IQSEC3: variants seen among roughly 807,000 people sequenced by gnomAD.
IQSEC3 encodes the protein IQ motif and Sec7 domain ArfGEF 3.
In IQSEC3, 50 loss-of-function variants were observed where a neutral mutation model predicts 105.4. The ratio of observed to expected loss-of-function variants is 0.47; its 90% confidence interval spans 0.38 to 0.60. The LOEUF (loss-of-function observed/expected upper bound fraction) is 0.60. Ranked by LOEUF, IQSEC3 falls within the 20% of genes least tolerant of loss-of-function variation. The pLI, the probability that IQSEC3 is intolerant of heterozygous loss-of-function variation, is 0.00. For missense variants in IQSEC3, 1,415 were observed against 1,630.0 expected, an observed-to-expected ratio of 0.87 and a Z score of 2.27; for synonymous variants, 708 against 746.0, an observed-to-expected ratio of 0.95 and a Z score of 0.83.
chr12:75,141 A>G (rs1431753590), intron 1 of IQSEC3, among the ~76,000 whole-genome samples: 2 of 152,266 alleles, frequency 1.3e-5, no homozygotes, highest in Non-Finnish European at 1.5e-5. Context: ...AAATCAACAC[A>G]TTTATTCTTA....
intron 1 of IQSEC3, among the ~76,000 whole-genome samples, chr12:93,178 T>C (rs1555073925): frequency 3.3e-5 from 5 of 152,226 alleles, no homozygotes. Context: ...ACACAGGGAT[T>C]GTGATCCACT....
At chr12:107,632 G>C (rs559125364) in intron 2 of IQSEC3, among the ~76,000 whole-genome samples, 175 of 151,858 alleles carry the variant, frequency 1.2e-3, no homozygotes, top group African/African-American at 3.7e-3. Flanking sequence ...GGATGGTCTC[G>C]ATCTCCTGAC....
chr12:89,736 G>A (rs1464591710), intron 1 of IQSEC3, among the ~76,000 whole-genome samples: 4 of 152,192 alleles, frequency 2.6e-5, no homozygotes, highest in South Asian at 4.2e-4. Context: ...TTAATACAAC[G>A]TTTATGAAAT....
Position 139,094 on chromosome 12 carries a change from G to C in IQSEC3, c.1731G>C (p.Glu577Asp). 1 of 1,500,060 alleles carries C rather than the reference G, an allele frequency of 6.7e-7. No homozygotes were observed. Among genetic ancestry groups the C allele is most frequent in the Non-Finnish European group, 8.9e-7 (1 of 1,123,446 alleles). 92.9% of individuals were successfully genotyped at this position (1,500,060 alleles called of 1,614,324 possible). The part of the protein sequence containing the change: ...TAPKTEEEEE[E>D]EETAEVGRGA... ...CCAAAACAGAGGAGGAAGAGGAGGA[G>C]GAGGAGACGGCGGAGGTGGGGAGAG... The change falls in exon 4 of 14, where the codon GAG (glutamate) becomes GAC (aspartate). Residue 577 changes from glutamate (E) to aspartate (D), a missense_variant. By Grantham distance (45) the Glu-to-Asp change is conservative. This residue lies in a region of IQSEC3 where 720 missense variants were observed against 633.0 expected (regional missense o/e 1.14). Coordinates refer to ENST00000538872, the MANE Select transcript of IQSEC3 (RefSeq NM_001170738.2).
intron 1 of IQSEC3, among the ~76,000 whole-genome samples, chr12:68,671 G>T (rs1454959601): frequency 1.3e-5 from 2 of 152,280 alleles, no homozygotes; most frequent in Non-Finnish European, 2.9e-5. Flanking sequence ...AAGGGAATGG[G>T]GAGGGGGAAG....
rs942075393 is a variant in IQSEC3 at position 87,063 on chromosome 12, G to A, written c.555-12083G>A. ...AGGCAAATAACCAACAACATGCTGT[G>A]AGAGCTACCTCAAAACTCAAAATAA... On this transcript the variant is annotated intron_variant, in intron 1 of 13. Coordinates refer to ENST00000538872, the MANE Select transcript of IQSEC3 (RefSeq NM_001170738.2). Among the ~76,000 whole-genome samples, 9 of 152,096 alleles carry A rather than the reference G, an allele frequency of 5.9e-5. No individual in the cohort carries two copies. The South Asian group carries it at 1.9e-3, about 32-fold the overall frequency.
At position 165,496 on chromosome 12, in the gene IQSEC3, C is replaced by T; in HGVS notation, c.2772C>T (p.Gly924=). 1 of 1,613,772 alleles carries T rather than the reference C, an allele frequency of 6.2e-7. No individual in the cohort carries two copies. Among genetic ancestry groups the T allele is most frequent in the Non-Finnish European group, 8.5e-7 (1 of 1,179,828 alleles). Reference sequence around the variant, plus strand: ...CGTACACCTTTTGCAAGTCAGTTGGCCTGCTGGGCATGCAGTTCCAGCTCT... The same window carrying T: ...CGTACACCTTTTGCAAGTCAGTTGGTCTGCTGGGCATGCAGTTCCAGCTCT... ...SSTYTFCKSV[G]LLGMQFQLFE... The change falls in exon 10 of 14, where the codon GGC becomes GGT. Residue 924 remains glycine (G), a synonymous_variant. Coordinates refer to ENST00000538872, the MANE Select transcript of IQSEC3 (RefSeq NM_001170738.2).
At chr12:164,356 T>A (rs1555097516) in intron 9 of IQSEC3, among the ~76,000 whole-genome samples, 1 of 150,928 alleles carries the variant, frequency 6.6e-6, no homozygotes, top group Non-Finnish European at 1.5e-5. Flanking sequence ...CCCACCCCCC[T>A]GAGAGCAGCA....
chr12:157,055 C>G lies in IQSEC3; in HGVS notation c.2184C>G (p.Ser728Arg), dbSNP rs782783310. Residue 728 changes from serine (S) to arginine (R), a missense_variant, in exon 6 of 14, where the codon AGC (serine) becomes AGG (arginine). Ser to Arg is a moderately radical substitution (Grantham distance 110). This residue lies in a region of IQSEC3 where 213 missense variants were observed against 306.2 expected (regional missense o/e 0.70). Transcript: ENST00000538872. ...DCVVDEMDFSSMELDEALRKF... is the reference protein window; with the variant it reads ...DCVVDEMDFSRMELDEALRKF... ...TGGTGGACGAGATGGACTTCTCCAG[C>G]ATGGAGCTGGACGAGGCCCTGCGCA... is the stretch of plus-strand genomic sequence containing the variant. 1.2e-6 allele frequency: 2 copies of G among 1,607,318 alleles called. No individual in the cohort carries two copies.
chr12:87,590 T>C (rs550419855), intron 1 of IQSEC3, among the ~76,000 whole-genome samples: 2 of 152,308 alleles, frequency 1.3e-5, no homozygotes, highest in South Asian at 4.1e-4. Flanking sequence ...CAGACAACTC[T>C]TTTTGGAAGA....
chr12:141,169 C>T lies in IQSEC3; in HGVS notation c.2037C>T (p.Ile679=), dbSNP rs1866008284. ...GIQFLISRGF[I]PDTPIGVAHF... ...AGTTCCTGATCTCACGCGGCTTCAT[C>T]CCGGACACCCCCATCGGTGTGGCCC... is the stretch of plus-strand genomic sequence containing the variant. Residue 679 remains isoleucine, a synonymous_variant, in exon 5 of 14, where the codon ATC becomes ATT. Transcript: ENST00000538872. The T allele has an allele frequency of 3.8e-6, 6 of 1,558,674 alleles. No homozygotes were observed. The highest frequency in any genetic ancestry group is 4.4e-6 in the Non-Finnish European group (5 of 1,144,946).
At chr12:94,154 T>C (rs1864176724) in intron 1 of IQSEC3, among the ~76,000 whole-genome samples, 1 of 152,184 alleles carries the variant, frequency 6.6e-6, no homozygotes, top group Non-Finnish European at 1.5e-5. Context: ...TACTCAAGCA[T>C]TGAGTGCCAT....
intron 8 of IQSEC3, among the ~76,000 whole-genome samples, chr12:162,440 T>C (rs1395605725): frequency 6.6e-6 from 1 of 152,072 alleles, no homozygotes; most frequent in Non-Finnish European, 1.5e-5. Flanking sequence ...CTCAATAGGC[T>C]CCAGGCTGTG....
At chr12:69,310 G>T (rs1346252400) in intron 1 of IQSEC3, among the ~76,000 whole-genome samples, 5 of 152,260 alleles carry the variant, frequency 3.3e-5, no homozygotes, top group Non-Finnish European at 7.3e-5. Flanking sequence ...AGTGGCCTAC[G>T]GAACCCAAAC....
chr12:67,416 C>A lies in IQSEC3; in HGVS notation c.534C>A (p.Gly178=). The change falls in exon 1 of 14, where the codon GGC becomes GGA. Residue 178 remains glycine (G), a synonymous_variant. Transcript: ENST00000538872. Reference sequence around the variant, plus strand: ...AATCCCCCTCCGCCCTCGGCAAGGGCGTCCTGAGCAGGAGACCTGAGTGAG... The same window carrying A: ...AATCCCCCTCCGCCCTCGGCAAGGGAGTCCTGAGCAGGAGACCTGAGTGAG... The part of the protein sequence containing the change: ...QHKSPSALGK[G]VLSRRPENET... 1 of 1,598,076 alleles carries A rather than the reference C, an allele frequency of 6.3e-7. No homozygotes were observed. Among genetic ancestry groups the A allele is most frequent in the Admixed American group, 1.7e-5 (1 of 59,974 alleles).
intron 13 of IQSEC3, among the ~76,000 whole-genome samples, chr12:174,269 T>C (rs1241497702): frequency 6.6e-6 from 1 of 151,896 alleles, no homozygotes; most frequent in African/African-American, 2.4e-5. Flanking sequence ...GCTCAGAGTG[T>C]GGTGGAAAAG....
Position 138,493 on chromosome 12 carries a change from TG to T in IQSEC3, c.1134del (p.Leu379CysfsTer104). The T allele has an allele frequency of 6.3e-7, 1 of 1,588,844 alleles. No homozygotes were observed. On this transcript the variant is annotated frameshift_variant, in exon 4 of 14. Transcript: ENST00000538872. LOFTEE classifies it high-confidence loss of function. The surrounding 1 kb of genome is among the most constrained non-coding windows in gnomAD (Gnocchi z 7.1). ...GCGCTCATGGAGGGCTACGGCCTCGTGGGGCTGCCGCTGGTGCGCTCGCCCT... is the reference window on the plus strand; with the variant it reads ...GCGCTCATGGAGGGCTACGGCCTCGTGGGCTGCCGCTGGTGCGCTCGCCCT... ...EKALMEGYGL[V>X]GLPLVRSPSL...
At chr12:163,689 G>C in intron 9 of IQSEC3, 70 bp downstream of exon 9, 1 of 906,320 alleles carries the variant, frequency 1.1e-6, no homozygotes. Flanking sequence ...GCCTGGGCAG[G>C]GTCCCTGAAG....
intron 6 of IQSEC3, 91 bp downstream of exon 6, chr12:157,238 G>A (rs1262583412): frequency 7.0e-7 from 1 of 1,434,430 alleles, no homozygotes; most frequent in Non-Finnish European, 9.2e-7. Context: ...ATGCTATCAG[G>A]AGGGTTGGAC....
Sources: gnomAD v4.1 joint callset for allele counts (sites outside exome capture counted in the v4.1 genomes callset) on GRCh38, gnomAD v4.1.1 for gene constraint, gnomAD v4.1.1 regional missense constraint, Gnocchi (gnomAD v3.1) non-coding constraint, MANE v1.5 for transcripts, NCBI Gene and HGNC (gene_info 2026-07-23, HGNC 2026-07-21) for gene names.